ZNF679: variants seen among roughly 807,000 people sequenced by gnomAD.
The protein encoded by ZNF679 is hypothetical protein MGC42415.
A neutral mutation model predicts 13.4 loss-of-function variants in ZNF679; 10 were observed. The ratio of observed to expected loss-of-function variants is 0.75; its 90% CI spans 0.46 to 1.27. ZNF679 has a LOEUF of 1.27. Ranked by LOEUF, ZNF679 falls within the 50% of genes most tolerant of loss-of-function variation. The pLI, the probability that ZNF679 is intolerant of heterozygous loss-of-function variation, is 0.00. For missense variants in ZNF679, 525 were observed against 477.8 expected, an observed-to-expected ratio of 1.10 and a Z score of -0.92; for synonymous variants, 179 against 162.5, an observed-to-expected ratio of 1.10 and a Z score of -0.77.
At chr7:64,248,527 G>T (rs1399960902) in intron 1 of ZNF679, among the ~76,000 whole-genome samples, 1 of 151,800 alleles carries the variant, frequency 6.6e-6, no homozygotes, top group African/African-American at 2.4e-5. Context: ...TTATCCACCC[G>T]CCTCACCCTC....
chr7:64,242,689 T>G (rs1787813897), intron 1 of ZNF679, among the ~76,000 whole-genome samples: 1 of 152,182 alleles, frequency 6.6e-6, no homozygotes, highest in African/African-American at 2.4e-5. Context: ...ACCTCAGTGT[T>G]GTGCTGGGCC....
At chr7:64,242,474 T>C (rs1057480583) in intron 1 of ZNF679, among the ~76,000 whole-genome samples, 2 of 152,182 alleles carry the variant, frequency 1.3e-5, no homozygotes, top group African/African-American at 2.4e-5. Flanking sequence ...CTCCAATCTT[T>C]AGGTCCAGGT....
intron 2 of ZNF679, among the ~76,000 whole-genome samples, chr7:64,250,066 T>A (rs1787925045): frequency 6.6e-6 from 1 of 151,902 alleles, no homozygotes; most frequent in Non-Finnish European, 1.5e-5. Context: ...GGTCTCGAAC[T>A]CCTGACCTGA....
At chr7:64,251,895 C>A (rs115477737) in intron 2 of ZNF679, among the ~76,000 whole-genome samples, 1 of 152,162 alleles carries the variant, frequency 6.6e-6, no homozygotes, top group African/African-American at 2.4e-5. Flanking sequence ...TAATCCCTTG[C>A]GACATTAGAA....
At position 64,249,176 on chromosome 7, in the gene ZNF679, C is replaced by T. The variant is rs753928240; in HGVS notation, c.39+20C>T. 31 of 1,613,924 alleles carry T rather than the reference C, an allele frequency of 1.9e-5. No homozygotes were observed. Among genetic ancestry groups the T allele is most frequent in the South Asian group, 1.6e-4 (15 of 91,084 alleles). ...GAAATGGTGAGTGCTGGGTCTGTCA[C>T]CGTGAGAGAGGGGTGAGGGCTGGTT... On this transcript the variant is annotated intron_variant, in intron 2 of 4. Transcript: ENST00000421025.
chr7:64,266,232 A>G lies in ZNF679; in HGVS notation c.599A>G (p.His200Arg), dbSNP rs751748095. The change falls in exon 5 of 5, where the codon CAT becomes CGT. Residue 200 changes from histidine to arginine, a missense_variant. Transcript: ENST00000421025. ...GKSFCMVSQLHQHQIIHTREN... is the reference protein window; with the variant it reads ...GKSFCMVSQLRQHQIIHTREN... ...TCATTTTGCATGGTTTCACAACTACATCAACATCAGATAATTCATACTAGG... is the reference window on the plus strand; with the variant it reads ...TCATTTTGCATGGTTTCACAACTACGTCAACATCAGATAATTCATACTAGG... The G allele has an allele frequency of 3.8e-6, 6 of 1,580,430 alleles. No individual in the cohort carries two copies. The highest frequency in any genetic ancestry group is 1.1e-5 in the South Asian group (1 of 88,258).
intron 1 of ZNF679, among the ~76,000 whole-genome samples, chr7:64,246,850 G>C (rs1240866171): frequency 6.6e-6 from 1 of 152,186 alleles, no homozygotes; most frequent in Non-Finnish European, 1.5e-5. Flanking sequence ...GGAAAGTAAA[G>C]GAATAAAAGA....
At chr7:64,236,005 G>A (rs970166468) in intron 1 of ZNF679, among the ~76,000 whole-genome samples, 1 of 151,928 alleles carries the variant, frequency 6.6e-6, no homozygotes, top group Non-Finnish European at 1.5e-5. Context: ...GGTGCCTCAC[G>A]CCTGTAATCC....
chr7:64,244,358 A>G (rs1362235082), intron 1 of ZNF679, among the ~76,000 whole-genome samples: 1 of 152,168 alleles, frequency 6.6e-6, no homozygotes, highest in Non-Finnish European at 1.5e-5. Flanking sequence ...CCAAACTGCC[A>G]ATATTTCTGA....
intron 1 of ZNF679, among the ~76,000 whole-genome samples, chr7:64,242,115 G>T (rs113101345): frequency 9.6e-4 from 146 of 152,312 alleles, no homozygotes; most frequent in African/African-American, 3.4e-3. Context: ...CCTCACAGGG[G>T]TGCTGAATCT....
At chr7:64,231,959 T>G (rs1434587149) in intron 1 of ZNF679, among the ~76,000 whole-genome samples, 2 of 152,220 alleles carry the variant, frequency 1.3e-5, no homozygotes, top group Non-Finnish European at 2.9e-5. Context: ...GTTGAGTCTA[T>G]GCATGCAATT....
At chr7:64,257,869 AG>A (rs1788023791) in intron 2 of ZNF679, among the ~76,000 whole-genome samples, 1 of 152,220 alleles carries the variant, frequency 6.6e-6, no homozygotes, top group Non-Finnish European at 1.5e-5. Flanking sequence ...CAGCATTTAC[AG>A]GGGACTTGTT....
intron 3 of ZNF679, 138 bp from the exon 4 acceptor site, chr7:64,260,696 A>G (rs1424594095): frequency 2.9e-6 from 3 of 1,025,784 alleles, no homozygotes; most frequent in Non-Finnish European, 4.0e-6. Flanking sequence ...TATTTTCTAA[A>G]TAGTTAAAAA....
intron 1 of ZNF679, among the ~76,000 whole-genome samples, chr7:64,243,297 G>A (rs1489399992): frequency 6.6e-6 from 1 of 152,124 alleles, no homozygotes. Context: ...TCCCACCTGT[G>A]GGCAGAGACT....
At chr7:64,255,153 C>A (rs1356428366) in intron 2 of ZNF679, among the ~76,000 whole-genome samples, 1 of 152,098 alleles carries the variant, frequency 6.6e-6, no homozygotes, top group Non-Finnish European at 1.5e-5. Context: ...CAGGCTGTCA[C>A]ACTGCACATT....
At chr7:64,236,928 A>AGAAAGAAAG (rs1787724961) in intron 1 of ZNF679, among the ~76,000 whole-genome samples, 1 of 38,154 alleles carries the variant, frequency 2.6e-5, no homozygotes, top group Non-Finnish European at 4.8e-5. Context: ...GAAAGAAGAA[A>AGAAAGAAAG]GAAAGAAAGA....
intron 1 of ZNF679, among the ~76,000 whole-genome samples, chr7:64,229,028 T>A (rs1483459894): frequency 1.3e-5 from 2 of 152,182 alleles, no homozygotes; most frequent in Non-Finnish European, 2.9e-5. Context: ...AGAGTGGAAT[T>A]CTGCTCTGAG....
At chr7:64,264,884 AT>A (rs1434983912) in intron 4 of ZNF679, among the ~76,000 whole-genome samples, 2 of 150,862 alleles carry the variant, frequency 1.3e-5, no homozygotes, top group African/African-American at 4.9e-5. Context: ...TTCTTACATT[AT>A]TTTTTTCTTA....
At chr7:64,241,808 G>C (rs891942838) in intron 1 of ZNF679, among the ~76,000 whole-genome samples, 1 of 152,194 alleles carries the variant, frequency 6.6e-6, no homozygotes, top group Non-Finnish European at 1.5e-5. Flanking sequence ...ATGCAGGAGA[G>C]AAACATAAAT....
Sources: gnomAD v4.1 joint callset for allele counts (sites outside exome capture counted in the v4.1 genomes callset) on GRCh38, gnomAD v4.1.1 for gene constraint, MANE v1.5 for transcripts, NCBI Gene and HGNC (gene_info 2026-07-23, HGNC 2026-07-21) for gene names.